UGT1A8: variants seen among roughly 807,000 people sequenced by gnomAD.
The protein encoded by UGT1A8 is UDP-glucuronosyltransferase 1A8.
Under a neutral mutation model 45.3 loss-of-function variants are expected in UGT1A8, and 39 were observed. The observed-to-expected ratio is 0.86, with a 90% CI of 0.67 to 1.12. The LOEUF (loss-of-function observed/expected upper bound fraction) is 1.12. UGT1A8 is among the 50% of genes most tolerant of loss of function. The pLI is 0.00. For synonymous variants in UGT1A8, 275 were observed against 249.2 expected, an observed-to-expected ratio of 1.10 and a Z score of -0.97; for missense variants, 719 against 664.9, an observed-to-expected ratio of 1.08 and a Z score of -0.90.
At position 233,634,940 on chromosome 2, in the gene UGT1A8, C is replaced by T. The variant is rs141950305; in HGVS notation, c.855+16378C>T. On this transcript the variant is annotated intron_variant, in intron 1 of 4. Coordinates refer to ENST00000373450, the MANE Select transcript of UGT1A8 (RefSeq NM_019076.5). ...GGTATGTTTGTGCAGTGGCTGGTAC[C>T]GGTTTTTTCTTTCCATATTTAGTGC... 2.2e-4 allele frequency among the ~76,000 whole-genome samples: 33 copies of T among 150,756 alleles called. 1 individual carries two copies. The highest frequency in any genetic ancestry group is 4.7e-4 in the African/African-American group (19 of 40,762).
intron 1 of UGT1A8, among the ~76,000 whole-genome samples, chr2:233,727,524 C>T (rs1429199465): frequency 6.6e-6 from 1 of 152,188 alleles, no homozygotes; most frequent in Non-Finnish European, 1.5e-5. Flanking sequence ...GAAGAGCACA[C>T]TACCAGGCGT....
intron 1 of UGT1A8, among the ~76,000 whole-genome samples, chr2:233,708,182 G>A (rs1229974641): frequency 3.9e-5 from 6 of 152,168 alleles, no homozygotes; most frequent in Admixed American, 3.3e-4. Context: ...TTACTGTGTC[G>A]TGCACATTTT....
At chr2:233,690,540 C>G (rs1233166297) in intron 1 of UGT1A8, 1 of 1,289,760 alleles carries the variant, frequency 7.8e-7, no homozygotes, top group East Asian at 5.6e-5. Flanking sequence ...TTTCACCCCA[C>G]TGGAATATGT....
At chr2:233,659,214 C>T (rs1227295104) in intron 1 of UGT1A8, among the ~76,000 whole-genome samples, 1 of 152,126 alleles carries the variant, frequency 6.6e-6, no homozygotes, top group Non-Finnish European at 1.5e-5. Context: ...TTGTTCATTG[C>T]TAGTACAGTT....
At chr2:233,753,815 C>T (rs973351937) in intron 1 of UGT1A8, among the ~76,000 whole-genome samples, 12 of 152,170 alleles carry the variant, frequency 7.9e-5, no homozygotes, top group Admixed American at 5.2e-4. Context: ...TGGAGAACCA[C>T]GTTAGGGCTG....
chr2:233,726,801 T>G (rs2077562254), intron 1 of UGT1A8, among the ~76,000 whole-genome samples: 1 of 152,218 alleles, frequency 6.6e-6, no homozygotes, highest in Non-Finnish European at 1.5e-5. Context: ...ATTCAAGGCT[T>G]GGAGGTTTTC....
At chr2:233,695,426 CTT>C (rs2075288031) in intron 1 of UGT1A8, among the ~76,000 whole-genome samples, 2 of 76,626 alleles carry the variant, frequency 2.6e-5, no homozygotes, top group Non-Finnish European at 6.3e-5. Context: ...GCCCGGCCTT[CTT>C]CTTCTTCTTT....
At chr2:233,626,511 T>C (rs2073086042) in intron 1 of UGT1A8, among the ~76,000 whole-genome samples, 2 of 152,088 alleles carry the variant, frequency 1.3e-5, no homozygotes, top group Non-Finnish European at 2.9e-5. Flanking sequence ...ACTTCCTTGA[T>C]TGGCTCTGTC....
At position 233,768,158 on chromosome 2, in the gene UGT1A8, A is replaced by AGAACCTAGG. The variant is rs1559415093; in HGVS notation, c.1076-62_1076-61insGAACCTAGG. The AGAACCTAGG allele has an allele frequency of 1.9e-6, 3 of 1,613,074 alleles. No homozygotes were observed. In the African/African-American group the frequency reaches 4.0e-5, roughly 22 times the overall value. On this transcript the variant is annotated intron_variant, in intron 3 of 4. Transcript: ENST00000373450. ...TCTTTGGAGTGTTTTCAGAACCTAGATGTGTCCAGCTGTGAAACTCAGAGA... is the reference window on the plus strand; with the variant it reads ...TCTTTGGAGTGTTTTCAGAACCTAGAGAACCTAGGTGTGTCCAGCTGTGAAACTCAGAGA...
At chr2:233,695,394 G>A (rs1244656271) in intron 1 of UGT1A8, among the ~76,000 whole-genome samples, 1 of 151,138 alleles carries the variant, frequency 6.6e-6, no homozygotes, top group African/African-American at 2.4e-5. Context: ...AAAGTGCTGG[G>A]ATTACAGGCG....
chr2:233,664,869 G>T (rs1575410455), intron 1 of UGT1A8, among the ~76,000 whole-genome samples: 1 of 152,012 alleles, frequency 6.6e-6, no homozygotes, highest in Admixed American at 6.6e-5. Flanking sequence ...GAATCCTTTT[G>T]TGCCACTTCA....
chr2:233,651,195 C>T (rs2073730576), intron 1 of UGT1A8, among the ~76,000 whole-genome samples: 1 of 152,132 alleles, frequency 6.6e-6, no homozygotes, highest in Non-Finnish European at 1.5e-5. Context: ...AGTTACAGCA[C>T]CAAGCACCAC....
intron 1 of UGT1A8, chr2:233,760,727 T>G: frequency 6.2e-7 from 1 of 1,614,214 alleles, no homozygotes; most frequent in Non-Finnish European, 8.5e-7. Context: ...AGCTTTGATG[T>G]CATGCTGACG....
chr2:233,693,845 A>G, intron 1 of UGT1A8: 1 of 1,614,152 alleles, frequency 6.2e-7, no homozygotes, highest in Non-Finnish European at 8.5e-7. Flanking sequence ...CAACTGTAAG[A>G]AGAGGAAAGA....
At chr2:233,623,177 T>G (rs2073039696) in intron 1 of UGT1A8, among the ~76,000 whole-genome samples, 1 of 152,194 alleles carries the variant, frequency 6.6e-6, no homozygotes, top group South Asian at 2.1e-4. Context: ...CCAGCTTTGT[T>G]CTTTTTGCTT....
At chr2:233,693,986 G>C in intron 1 of UGT1A8, 11 of 1,543,072 alleles carry the variant, frequency 7.1e-6, no homozygotes, top group Non-Finnish European at 9.6e-6. Context: ...GTGGGGGGAA[G>C]TGATACCCGG....
At chr2:233,709,458 T>A (rs1048342871) in intron 1 of UGT1A8, among the ~76,000 whole-genome samples, 2 of 152,212 alleles carry the variant, frequency 1.3e-5, no homozygotes, top group African/African-American at 4.8e-5. Flanking sequence ...TTTAAAGCAA[T>A]CATTTTGGGG....
Position 233,769,147 on chromosome 2 carries a change from G to A in UGT1A8, c.1295+708G>A, listed in dbSNP as rs1297167698. 6.6e-6 allele frequency among the ~76,000 whole-genome samples: 1 copy of A among 152,116 alleles called. No homozygotes were observed. The highest frequency in any genetic ancestry group is 2.4e-5 in the African/African-American group (1 of 41,410). On this transcript the variant is annotated intron_variant, in intron 4 of 4. Transcript: ENST00000373450. This position sits in a 1 kb window ranked among gnomAD's most constrained non-coding sequence, Gnocchi z 4.4. ...AGAAGTACAGCTTTTTGCAGCACTG[G>A]AACCTGTGAGAAATTTTGTCCATGG...
intron 1 of UGT1A8, among the ~76,000 whole-genome samples, chr2:233,757,480 T>G (rs935196749): frequency 1.4e-5 from 2 of 146,296 alleles, no homozygotes; most frequent in African/African-American, 5.1e-5. Context: ...TCCAAAACCA[T>G]GGACTGGCAC....
Sources: allele counts gnomAD v4.1 joint callset (sites outside exome capture counted in the v4.1 genomes callset), GRCh38; gene constraint gnomAD v4.1.1; non-coding constraint Gnocchi (gnomAD v3.1); transcripts MANE v1.5; gene names NCBI Gene and HGNC (gene_info 2026-07-23, HGNC 2026-07-21).